The following ZNF331 variants were observed in gnomAD, a reference collection of about 807,000 sequenced individuals.
The protein encoded by ZNF331 is C2H2-like zinc finger protein rearranged in thyroid adenomas.
A neutral mutation model predicts 7.0 loss-of-function variants in ZNF331; 2 were observed. That is an observed-to-expected ratio of 0.29 (90% CI 0.12 to 0.90). The LOEUF (loss-of-function observed/expected upper bound fraction) is 0.90. ZNF331 is among the 40% of genes least tolerant of loss of function. ZNF331 has a pLI of 0.58. For synonymous variants in ZNF331, 196 were observed against 205.4 expected, an observed-to-expected ratio of 0.95 and a Z score of 0.39; for missense variants, 432 against 587.7, an observed-to-expected ratio of 0.74 and a Z score of 2.74.
At chr19:53,572,806 G>T (rs1202796522) in intron 5 of ZNF331, among the ~76,000 whole-genome samples, 1 of 152,052 alleles carries the variant, frequency 6.6e-6, no homozygotes, top group South Asian at 2.1e-4. Context: ...CAGTGATGCA[G>T]TCAGACGGAG....
chr19:53,572,944 C>G (rs1408972927), intron 5 of ZNF331, among the ~76,000 whole-genome samples: 1 of 152,106 alleles, frequency 6.6e-6, no homozygotes. Context: ...CTCGGCCAGG[C>G]GCAGTGGCTC....
chr19:53,542,900 C>G (rs12973682), intron 2 of ZNF331, among the ~76,000 whole-genome samples: 27,282 of 152,206 alleles, frequency 0.18, 3,031 homozygotes, highest in Non-Finnish European at 0.24. Flanking sequence ...ACCTCTGCCT[C>G]CCGGGTTCAA....
At chr19:53,505,201 G>A in the ZNF331 span, among the ~76,000 whole-genome samples, 104 of 152,220 alleles carry the variant, frequency 6.8e-4, no homozygotes, top group African/African-American at 2.4e-3. Context: ...CACCCACACC[G>A]CACTACAGCA....
intron 2 of ZNF331, among the ~76,000 whole-genome samples, chr19:53,543,086 G>A (rs2088295547): frequency 6.6e-6 from 1 of 152,064 alleles, no homozygotes; most frequent in Non-Finnish European, 1.5e-5. Flanking sequence ...TGGGATTACA[G>A]GCATGAGCCA....
intron 2 of ZNF331, among the ~76,000 whole-genome samples, chr19:53,548,641 T>C (rs1446891470): frequency 6.6e-6 from 1 of 152,184 alleles, no homozygotes; most frequent in Admixed American, 6.5e-5. Context: ...TTTTGTTTCC[T>C]TTGCTGTGTG....
rs182233182 is a variant in ZNF331, at chr19:53,543,196, A to G, written c.-138+3914A>G. Among the ~76,000 whole-genome samples, 40 of 152,262 alleles carry G rather than the reference A, an allele frequency of 2.6e-4. 1 individual carries two copies. The highest frequency in any genetic ancestry group is 9.6e-4 in the African/African-American group (40 of 41,586). On this transcript the variant is annotated intron_variant, in intron 2 of 5. Coordinates refer to ENST00000449416, the MANE Select transcript of ZNF331 (RefSeq NM_001079906.2). ...AAAGCACTTTGGCAGGCTGTGAGGC[A>G]GGAGGATCGCTTGAGCCCACAAGTT...
At chr19:53,572,598 A>G (rs2147672290) in intron 5 of ZNF331, among the ~76,000 whole-genome samples, 1 of 62,252 alleles carries the variant, frequency 1.6e-5, no homozygotes, top group Non-Finnish European at 3.4e-5. Flanking sequence ...TATATTATAT[A>G]TACACATATA....
chr19:53,526,657 A>C (rs1360741514), intron 2 of ZNF331, among the ~76,000 whole-genome samples: 1 of 150,922 alleles, frequency 6.6e-6, no homozygotes, highest in Non-Finnish European at 1.5e-5. Context: ...GGTTCACGCC[A>C]TTCTCCTGCC....
rs1367360969 is a variant in ZNF331 at position 53,577,517 on chromosome 19, G to T, written c.957G>T (p.Lys319Asn). 6.2e-7 allele frequency: 1 copy of T among 1,612,754 alleles called. No individual in the cohort carries two copies. The highest frequency in any genetic ancestry group is 1.7e-5 in the Admixed American group (1 of 59,970). Residue 319 changes from lysine (K) to asparagine (N), a missense_variant, in exon 6 of 6, where the codon AAG becomes AAT. Lys to Asn is a moderately conservative substitution (Grantham distance 94). Around this residue, in one of 3 missense-constraint regions of ZNF331, gnomAD observed 312 missense variants for 448.6 expected, o/e 0.70. Coordinates refer to ENST00000449416, the MANE Select transcript of ZNF331 (RefSeq NM_001079906.2). ...TRVNYLTQHQKIHTGEKPHEC... is the reference protein window; with the variant it reads ...TRVNYLTQHQNIHTGEKPHEC... The stretch of plus-strand genomic sequence containing the variant: ...TCAATTACCTTACTCAGCATCAGAA[G>T]ATCCACACCGGTGAGAAGCCTCACG...
chr19:53,542,393 C>A (rs2088238745), intron 2 of ZNF331, among the ~76,000 whole-genome samples: 1 of 152,196 alleles, frequency 6.6e-6, no homozygotes, highest in African/African-American at 2.4e-5. Context: ...CACCCATGAA[C>A]ACTAATCACT....
chr19:53,558,153 A>G lies in ZNF331; in HGVS notation c.-74+2245A>G, dbSNP rs1214843506. 1.3e-5 allele frequency among the ~76,000 whole-genome samples: 2 copies of G among 152,170 alleles called. No individual in the cohort carries two copies. Among genetic ancestry groups the G allele is most frequent in the Non-Finnish European group, 2.9e-5 (2 of 68,020 alleles). On this transcript the variant is annotated intron_variant, in intron 3 of 5. Transcript: ENST00000449416. This position sits in a 1 kb window ranked among gnomAD's most constrained non-coding sequence, Gnocchi z 4.5. ...GACCAGGCCTCTGGGACATCTTGCC[A>G]ACCCTCTACAGGTTGGGGTTCTTAT...
chr19:53,524,658 A>T lies in ZNF331; in HGVS notation c.-205+1974A>T, dbSNP rs539456928. Among the ~76,000 whole-genome samples, 7 of 151,998 alleles carry T rather than the reference A, an allele frequency of 4.6e-5. No homozygotes were observed. The East Asian group carries it at 9.7e-4, about 21-fold the overall frequency. On this transcript the variant is annotated intron_variant, in intron 2 of 6. Coordinates refer to the ZNF331 transcript ENST00000253144. ...TGTTTGAGTTCTTTGTAGATTCTGG[A>T]TATTAGCCCTTTGTGAGATAGGTAG...
rs897352406 is a variant in ZNF331, at chr19:53,578,322, C to T, written c.*370C>T. The T allele has an allele frequency of 3.2e-5, 8 of 250,682 alleles. No homozygotes were observed. Among genetic ancestry groups the T allele is most frequent in the Admixed American group, 2.5e-4 (5 of 20,328 alleles). The allele number at this position is 250,682 out of a possible 1,614,324, so 15.5% of individuals were successfully genotyped here. On this transcript the variant is annotated 3_prime_UTR_variant, in exon 6 of 6. Coordinates refer to ENST00000449416, the MANE Select transcript of ZNF331 (RefSeq NM_001079906.2). Reference sequence around the variant, plus strand: ...AGCAGGAGTAGTGATGCTGGTGATTCGGATATGCCAAAGAGAAGCCACAAA... The same window carrying T: ...AGCAGGAGTAGTGATGCTGGTGATTTGGATATGCCAAAGAGAAGCCACAAA...
At chr19:53,554,347 T>C (rs1555762331) in intron 2 of ZNF331, among the ~76,000 whole-genome samples, 3 of 151,916 alleles carry the variant, frequency 2.0e-5, no homozygotes, top group Non-Finnish European at 4.4e-5. Context: ...ACGCATGCGT[T>C]GGGGGTCTGT....
upstream of ZNF331, among the ~76,000 whole-genome samples, chr19:53,535,597 G>A (rs987681167): frequency 6.6e-6 from 1 of 152,164 alleles, no homozygotes; most frequent in African/African-American, 2.4e-5. Flanking sequence ...ATGTCTGTGT[G>A]CATGTGGAGA....
At chr19:53,540,678 T>C (rs1028895171) in intron 2 of ZNF331, among the ~76,000 whole-genome samples, 10 of 123,618 alleles carry the variant, frequency 8.1e-5, no homozygotes, top group African/African-American at 3.4e-4. Flanking sequence ...GGTGATTAAT[T>C]AGCCGGCCTC....
intron 2 of ZNF331, among the ~76,000 whole-genome samples, chr19:53,522,968 G>A (rs1825070663): frequency 6.6e-6 from 1 of 152,094 alleles, no homozygotes; most frequent in African/African-American, 2.4e-5. Flanking sequence ...TTGGGTGGAA[G>A]GAAACACCAG....
chr19:53,576,876 A>G lies in ZNF331; in HGVS notation c.316A>G (p.Asn106Asp). The change falls in exon 6 of 6, where the codon AAT becomes GAT. Residue 106 changes from asparagine (N) to aspartate (D), a missense_variant. Physicochemically the swap from Asn to Asp is conservative, Grantham distance 23. Coordinates refer to ENST00000449416, the MANE Select transcript of ZNF331 (RefSeq NM_001079906.2). ...GAGGTATGTCAATCAGATGATCATC[A>G]ATTATGTCAAAAGACCTGCTACTAG... ...RGRYVNQMIINYVKRPATREG... is the reference protein window; with the variant it reads ...RGRYVNQMIIDYVKRPATREG... The G allele has an allele frequency of 1.2e-6, 2 of 1,614,166 alleles. No individual in the cohort carries two copies. Among genetic ancestry groups the G allele is most frequent in the Non-Finnish European group, 8.5e-7 (1 of 1,180,036 alleles).
chr19:53,547,552 G>A (rs951601369), intron 2 of ZNF331, among the ~76,000 whole-genome samples: 3 of 152,184 alleles, frequency 2.0e-5, no homozygotes, highest in African/African-American at 7.2e-5. Flanking sequence ...TATACCCAGA[G>A]TGGGATTGCT....
Sources: gnomAD v4.1 joint callset for allele counts (sites outside exome capture counted in the v4.1 genomes callset) on GRCh38, gnomAD v4.1.1 for gene constraint, gnomAD v4.1.1 regional missense constraint, Gnocchi (gnomAD v3.1) non-coding constraint, MANE v1.5 for transcripts, NCBI Gene and HGNC (gene_info 2026-07-23, HGNC 2026-07-21) for gene names.